The following DHCR24 variants were observed in gnomAD, a reference collection of about 807,000 sequenced individuals.
The protein encoded by DHCR24 is delta(24)-sterol reductase.
DHCR24 carries 28 observed loss-of-function variants against 61.2 expected under a neutral mutation model. The ratio of observed to expected loss-of-function variants is 0.46; its 90% CI spans 0.34 to 0.63. DHCR24 has a LOEUF of 0.63. DHCR24 is among the 20% of genes least tolerant of loss of function. DHCR24 has a pLI of 0.01. For missense variants in DHCR24, 538 were observed against 679.1 expected, an observed-to-expected ratio of 0.79 and a Z score of 2.31; for synonymous variants, 261 against 275.9, an observed-to-expected ratio of 0.95 and a Z score of 0.54.
At position 54,871,548 on chromosome 1, in the gene DHCR24, G is replaced by A. The variant is rs772464402; in HGVS notation, c.678C>T (p.Ala226=). 3.5e-5 allele frequency: 57 copies of A among 1,614,028 alleles called. 1 individual carries two copies. Among genetic ancestry groups the A allele is most frequent in the Middle Eastern group, 1.6e-4 (1 of 6,084 alleles). The change falls in exon 5 of 9, where the codon GCC becomes GCT. Residue 226 remains alanine (A), a synonymous_variant. Coordinates refer to ENST00000371269, the MANE Select transcript of DHCR24 (RefSeq NM_014762.4). ...TGGCAGGGATGATGCGGATCTCAGCGGCCACCAGGAAACCCAGCGTCCCAC... is the reference window on the plus strand; with the variant it reads ...TGGCAGGGATGATGCGGATCTCAGCAGCCACCAGGAAACCCAGCGTCCCAC... ...WSCGTLGFLV[A]AEIRIIPAKK... is the part of the protein sequence containing the mutation.
intron 6 of DHCR24, among the ~76,000 whole-genome samples, chr1:54,860,929 A>C (rs1646933928): frequency 6.6e-6 from 1 of 151,342 alleles, no homozygotes; most frequent in Non-Finnish European, 1.5e-5. Context: ...CGGCACTTGC[A>C]GTGAGCCGAG....
chr1:54,884,880 GC>G (rs1428118332), intron 1 of DHCR24, among the ~76,000 whole-genome samples: 1 of 152,164 alleles, frequency 6.6e-6, no homozygotes, highest in Non-Finnish European at 1.5e-5. Flanking sequence ...AGGGAGAGAG[GC>G]TCCAGAGAAT....
At chr1:54,858,211 C>T (rs1374736615) in intron 6 of DHCR24, among the ~76,000 whole-genome samples, 2 of 152,266 alleles carry the variant, frequency 1.3e-5, no homozygotes, top group African/African-American at 2.4e-5. Flanking sequence ...TCAGGGAGAA[C>T]TGCCCTTGGC....
rs1038983936 is a variant in DHCR24, at chr1:54,887,024, C to G, written c.96G>C (p.Trp32Cys). 1 of 1,613,412 alleles carries G rather than the reference C, an allele frequency of 6.2e-7. No individual in the cohort carries two copies. ...GLEFVLIHQR[W>C]VFVCLFLLPL... is the part of the protein sequence containing the mutation. Reference sequence around the variant, plus strand: ...GCAGGAGGAAGAGGCACACGAACACCCAGCGCTGGTGGATGAGCACGAACT... The same window carrying G: ...GCAGGAGGAAGAGGCACACGAACACGCAGCGCTGGTGGATGAGCACGAACT... Residue 32 changes from tryptophan to cysteine, a missense_variant, in exon 1 of 9, where the codon TGG becomes TGC. Transcript: ENST00000371269.
intron 6 of DHCR24, among the ~76,000 whole-genome samples, chr1:54,859,943 C>A (rs201142319): frequency 1.3e-5 from 2 of 152,356 alleles, no homozygotes; most frequent in East Asian, 3.9e-4. Context: ...AAGAAGGACT[C>A]ATAGTGGCTT....
Position 54,883,644 on chromosome 1 carries a change from T to C in DHCR24, c.361A>G (p.Ile121Val). 6.2e-7 allele frequency: 1 copy of C among 1,614,234 alleles called. No homozygotes were observed. Among genetic ancestry groups the C allele is most frequent in the Admixed American group, 1.7e-5 (1 of 60,026 alleles). Residue 121 changes from isoleucine to valine, a missense_variant, in exon 2 of 9, where the codon ATT (isoleucine) becomes GTT (valine). Physicochemically the swap from Ile to Val is conservative, Grantham distance 29. Coordinates refer to ENST00000371269, the MANE Select transcript of DHCR24 (RefSeq NM_014762.4). This position sits in a 1 kb window ranked among gnomAD's most constrained non-coding sequence, Gnocchi z 4.3. The stretch of plus-strand genomic sequence containing the variant: ...TGTTTCTTGGTGTCCACTTCCAGAA[T>C]GTCCATCAGGTTGATCATGATGTTT... Reference protein sequence around the residue: ...HKNIMINLMDILEVDTKKQIV... With the variant: ...HKNIMINLMDVLEVDTKKQIV...
chr1:54,887,041 G>T lies in DHCR24; in HGVS notation c.79C>A (p.Leu27Ile). 1 of 1,612,894 alleles carries T rather than the reference G, an allele frequency of 6.2e-7. No individual in the cohort carries two copies. The change falls in exon 1 of 9, where the codon CTC (leucine) becomes ATC (isoleucine). Residue 27 changes from leucine (L) to isoleucine (I), a missense_variant. Coordinates refer to ENST00000371269, the MANE Select transcript of DHCR24 (RefSeq NM_014762.4). ...WVRLKGLEFVLIHQRWVFVCL... is the reference protein window; with the variant it reads ...WVRLKGLEFVIIHQRWVFVCL... ...ACGAACACCCAGCGCTGGTGGATGA[G>T]CACGAACTCCAGCCCCTTCAGGCGC...
rs1647104498 is a variant in DHCR24 at position 54,887,135 on chromosome 1, G to A, written c.-16C>T. The A allele has an allele frequency of 7.1e-6, 11 of 1,552,228 alleles. No individual in the cohort carries two copies. Among genetic ancestry groups the A allele is most frequent in the Non-Finnish European group, 8.7e-6 (10 of 1,149,582 alleles). On this transcript the variant is annotated 5_prime_UTR_variant, in exon 1 of 9. Transcript: ENST00000371269. Reference sequence around the variant, plus strand: ...CGGGCTCCATGGTGCGGCGCCGCGCGGTAAGCGCTGCGGGTTCGCGCCTCC... The same window carrying A: ...CGGGCTCCATGGTGCGGCGCCGCGCAGTAAGCGCTGCGGGTTCGCGCCTCC...
At chr1:54,886,082 G>C (rs947453235) in intron 1 of DHCR24, among the ~76,000 whole-genome samples, 1 of 152,180 alleles carries the variant, frequency 6.6e-6, no homozygotes, top group Non-Finnish European at 1.5e-5. Context: ...GGTGGCAGCA[G>C]GAAACAGAAG....
At chr1:54,860,566 GT>G (rs1646930236) in intron 6 of DHCR24, among the ~76,000 whole-genome samples, 2 of 152,172 alleles carry the variant, frequency 1.3e-5, no homozygotes, top group Admixed American at 6.5e-5. Flanking sequence ...TTGGAAACAT[GT>G]GCCCAATACC....
intron 2 of DHCR24, among the ~76,000 whole-genome samples, chr1:54,879,599 G>A (rs759530244): frequency 1.8e-4 from 28 of 151,946 alleles, no homozygotes; most frequent in Non-Finnish European, 3.5e-4. Context: ...AAAAGGAGGG[G>A]ACAGAAAAAC....
Position 54,865,325 on chromosome 1 carries a change from C to A in DHCR24, c.998G>T (p.Arg333Leu). 6.2e-7 allele frequency: 1 copy of A among 1,613,892 alleles called. No individual in the cohort carries two copies. Among genetic ancestry groups the A allele is most frequent in the Non-Finnish European group, 8.5e-7 (1 of 1,179,928 alleles). Reference protein sequence around the residue: ...PLRHYYHRHTRSIFWELQDII... With the variant: ...PLRHYYHRHTLSIFWELQDII... ...CACCTGGAGCTCCCAGAAGATGCTG[C>A]GCGTGTGGCGGTGGTAGTAGTGTCT... The change falls in exon 6 of 9, where the codon CGC becomes CTC. Residue 333 changes from arginine to leucine, a missense_variant. By Grantham distance (102) the Arg-to-Leu change is moderately radical. Coordinates refer to ENST00000371269, the MANE Select transcript of DHCR24 (RefSeq NM_014762.4).
chr1:54,885,863 G>A (rs984908992), intron 1 of DHCR24, among the ~76,000 whole-genome samples: 1 of 152,186 alleles, frequency 6.6e-6, no homozygotes, highest in Admixed American at 6.5e-5. Flanking sequence ...TGCAGGTGGG[G>A]AGGGAGGACA....
In DHCR24 at chr1:54,883,738, G is replaced by T. The variant is rs1414338975; in HGVS notation, c.267C>A (p.Phe89Leu). Residue 89 changes from phenylalanine to leucine, a missense_variant, in exon 2 of 9, where the codon TTC (phenylalanine) becomes TTA (leucine). Physicochemically the swap from Phe to Leu is conservative, Grantham distance 22. Coordinates refer to ENST00000371269, the MANE Select transcript of DHCR24 (RefSeq NM_014762.4). This position sits in a 1 kb window ranked among gnomAD's most constrained non-coding sequence, Gnocchi z 4.3. ...REWKEQGSKT[F>L]MCTGRPGWLT... is the part of the protein sequence containing the mutation. ...GCCAGCCAGGGCGCCCCGTGCACAT[G>T]AAGGTCTTGCTACCCTGCTCCTTCC... 6 of 1,614,216 alleles carry T rather than the reference G, an allele frequency of 3.7e-6. No homozygotes were observed. In the South Asian group the frequency reaches 6.6e-5, roughly 18 times the overall value.
rs887812968 is a variant in DHCR24, at chr1:54,886,608, T to C, written c.231+281A>G. The C allele has an allele frequency of 4.1e-6, 6 of 1,453,694 alleles. No individual in the cohort carries two copies. In the Admixed American group the frequency reaches 1.0e-4, roughly 25 times the overall value. 90.0% of individuals were successfully genotyped at this position (1,453,694 alleles called of 1,614,324 possible). On this transcript the variant is annotated intron_variant, in intron 1 of 8. Coordinates refer to ENST00000371269, the MANE Select transcript of DHCR24 (RefSeq NM_014762.4). Reference sequence around the variant, plus strand: ...CCTTCTCTGAAATGCTTGGGCCGGGTGAGAGTTACCTGAGTGCTTCGCACC... The same window carrying C: ...CCTTCTCTGAAATGCTTGGGCCGGGCGAGAGTTACCTGAGTGCTTCGCACC...
chr1:54,875,182 A>C lies in DHCR24; in HGVS notation c.523T>G (p.Ser175Ala), dbSNP rs1320844459. Residue 175 changes from serine (S) to alanine (A), a missense_variant, in exon 4 of 9, where the codon TCA becomes GCA. Transcript: ENST00000371269. ...GGLIMGTGIE[S>A]SSHKYGLFQH... The stretch of plus-strand genomic sequence containing the variant: ...AACAGGCCGTACTTGTGGGATGATG[A>C]CTCGATGCCTGTGCCCATGATCAAG... The C allele has an allele frequency of 6.2e-7, 1 of 1,614,052 alleles. No individual in the cohort carries two copies.
At chr1:54,852,720 T>G (rs1646883497) in intron 8 of DHCR24, among the ~76,000 whole-genome samples, 1 of 152,084 alleles carries the variant, frequency 6.6e-6, no homozygotes, top group South Asian at 2.1e-4. Flanking sequence ...GTTATTGACT[T>G]TCAATAAACT....
chr1:54,852,066 C>CT lies in DHCR24; in HGVS notation c.*166dup. 1 of 739,776 alleles carries CT rather than the reference C, an allele frequency of 1.4e-6. No individual in the cohort carries two copies. The highest frequency in any genetic ancestry group is 2.2e-6 in the Non-Finnish European group (1 of 454,810). 45.8% of individuals were successfully genotyped at this position (739,776 alleles called of 1,614,324 possible). ...CAAATCCCACATTCTTTCCATTCCA[C>CT]TGGGCTGCCCCCTGGAAGCCAGGAG... On this transcript the variant is annotated 3_prime_UTR_variant, in exon 9 of 9. Transcript: ENST00000371269.
intron 4 of DHCR24, among the ~76,000 whole-genome samples, chr1:54,871,975 C>A (rs1008781926): frequency 1.3e-5 from 2 of 152,140 alleles, no homozygotes; most frequent in Non-Finnish European, 2.9e-5. Context: ...CAAGGCCAGG[C>A]CTTGACACCC....
Sources: gnomAD v4.1 joint callset for allele counts (sites outside exome capture counted in the v4.1 genomes callset) on GRCh38, gnomAD v4.1.1 for gene constraint, Gnocchi (gnomAD v3.1) non-coding constraint, MANE v1.5 for transcripts, NCBI Gene and HGNC (gene_info 2026-07-23, HGNC 2026-07-21) for gene names.